WWOX: variants seen among roughly 807,000 people sequenced by gnomAD.
WWOX encodes the protein WW domain containing oxidoreductase.
WWOX carries 69 observed loss-of-function variants against 46.2 expected under a neutral mutation model. The ratio of observed to expected loss-of-function variants is 1.49; its 90% confidence interval spans 1.23 to 1.82. The LOEUF (loss-of-function observed/expected upper bound fraction) is 1.82, where lower values mean the gene tolerates loss of function less well. Among genes scored for constraint, WWOX ranks in the 40% most tolerant of loss-of-function variants. The pLI is 0.00. For synonymous variants in WWOX, 359 were observed against 202.6 expected (o/e 1.77, Z -6.56); for missense variants, 919 against 542.6 (o/e 1.69, Z -6.89).
At chr16:78,162,284 A>G (rs2034819871) in intron 4 of WWOX, among the ~76,000 whole-genome samples, 1 of 152,084 alleles carries the variant, frequency 6.6e-6, no homozygotes, top group African/African-American at 2.4e-5. Flanking sequence ...TTTTCCTGAG[A>G]GGTATAACTA....
At position 79,195,685 on chromosome 16, in the gene WWOX, C is replaced by T. The variant is rs758922067; in HGVS notation, c.1057-15923C>T. ...CAAAGGTAAGCCAGCTTGTCTAGACCGGGAGCTAGCTCCTTGTGAAGGAAT... is the reference window on the plus strand; with the variant it reads ...CAAAGGTAAGCCAGCTTGTCTAGACTGGGAGCTAGCTCCTTGTGAAGGAAT... On this transcript the variant is annotated intron_variant, in intron 8 of 8. Coordinates refer to ENST00000566780, the MANE Select transcript of WWOX (RefSeq NM_016373.4). Among the ~76,000 whole-genome samples, 13 of 152,228 alleles carry T rather than the reference C, an allele frequency of 8.5e-5. No individual in the cohort carries two copies. In the South Asian group the frequency reaches 1.5e-3, roughly 17 times the overall value.
intron 4 of WWOX, among the ~76,000 whole-genome samples, chr16:78,143,462 T>C (rs916611754): frequency 6.6e-6 from 1 of 152,190 alleles, no homozygotes; most frequent in Non-Finnish European, 1.5e-5. Context: ...AGGCCCACTT[T>C]TGTAAATCAG....
intron 8 of WWOX, among the ~76,000 whole-genome samples, chr16:78,605,230 C>T (rs1205144891): frequency 6.6e-6 from 1 of 151,118 alleles, no homozygotes; most frequent in Non-Finnish European, 1.5e-5. Flanking sequence ...TCATTGTTTC[C>T]CCATAATTTT....
intron 8 of WWOX, among the ~76,000 whole-genome samples, chr16:78,762,015 A>C (rs1199218205): frequency 6.6e-6 from 1 of 152,140 alleles, no homozygotes; most frequent in African/African-American, 2.4e-5. Flanking sequence ...ATATCATGAG[A>C]ATTTCTTAGA....
chr16:78,660,542 C>T (rs766586619), intron 8 of WWOX, among the ~76,000 whole-genome samples: 1 of 152,106 alleles, frequency 6.6e-6, no homozygotes, highest in Non-Finnish European at 1.5e-5. Context: ...AACTCAGGGC[C>T]TCCTGGTCCT....
At chr16:78,302,510 T>G (rs1886184502) in intron 5 of WWOX, among the ~76,000 whole-genome samples, 1 of 152,146 alleles carries the variant, frequency 6.6e-6, no homozygotes. Flanking sequence ...CAGACATGTT[T>G]TGTCTTATCC....
intron 8 of WWOX, among the ~76,000 whole-genome samples, chr16:78,994,752 G>A (rs1038031352): frequency 6.6e-6 from 1 of 152,102 alleles, no homozygotes. Context: ...GGAAACGAAG[G>A]CAGAGAAGGA....
intron 5 of WWOX, among the ~76,000 whole-genome samples, chr16:78,194,718 C>T (rs774554069): frequency 3.9e-5 from 6 of 152,080 alleles, no homozygotes; most frequent in Non-Finnish European, 7.4e-5. Context: ...GTGATCACCC[C>T]CAACCCCAAA....
intron 4 of WWOX, among the ~76,000 whole-genome samples, chr16:78,118,667 A>G (rs989944079): frequency 4.6e-5 from 7 of 152,176 alleles, no homozygotes; most frequent in African/African-American, 1.7e-4. Context: ...GCAAAACTGT[A>G]AATATTTACT....
At chr16:78,432,450 G>C in intron 7 of WWOX, 38 bp from the exon 8 acceptor site, 2 of 1,610,088 alleles carry the variant, frequency 1.2e-6, no homozygotes, top group South Asian at 2.2e-5. Context: ...TGGGAAGTCA[G>C]AACTTGGTTG....
intron 8 of WWOX, among the ~76,000 whole-genome samples, chr16:78,605,623 A>C (rs2045738115): frequency 6.6e-6 from 1 of 152,248 alleles, no homozygotes; most frequent in South Asian, 2.1e-4. Context: ...CCAAATGTTA[A>C]AATTTCTTTA....
At chr16:78,124,368 T>C (rs549399298) in intron 4 of WWOX, 2 of 152,310 alleles carry the variant, frequency 1.3e-5, no homozygotes, top group South Asian at 4.1e-4. Context: ...GACTTCATAA[T>C]AAATAAGATG....
chr16:78,925,462 C>G (rs1275243758), intron 8 of WWOX, among the ~76,000 whole-genome samples: 4 of 152,144 alleles, frequency 2.6e-5, no homozygotes, highest in Non-Finnish European at 4.4e-5. Flanking sequence ...AAAAAATGCC[C>G]TCACATTTCA....
At chr16:79,081,476 T>A (rs187351696) in intron 8 of WWOX, among the ~76,000 whole-genome samples, 1 of 152,332 alleles carries the variant, frequency 6.6e-6, no homozygotes, top group East Asian at 1.9e-4. Context: ...AGCCATCTGC[T>A]TTCTGCAGTC....
At chr16:78,100,287 C>G in intron 1 of WWOX, 2 of 1,059,106 alleles carry the variant, frequency 1.9e-6, no homozygotes, top group Non-Finnish European at 1.2e-6. Context: ...CGGTATTGCT[C>G]AGTCATCCAG....
chr16:78,338,813 T>C (rs1277754308), intron 5 of WWOX, among the ~76,000 whole-genome samples: 1 of 121,276 alleles, frequency 8.2e-6, no homozygotes, highest in African/African-American at 2.8e-5. Flanking sequence ...ATTCATTCTA[T>C]TCTTTTCATT....
At position 78,613,353 on chromosome 16, in the gene WWOX, T is replaced by G. The variant is rs182398639; in HGVS notation, c.1056+180601T>G. On this transcript the variant is annotated intron_variant, in intron 8 of 8. Coordinates refer to ENST00000566780, the MANE Select transcript of WWOX (RefSeq NM_016373.4). ...CGATGCGTGATTTGTCCCCATGCTG[T>G]GTCGCACTTGGTCATCTGGACCCTG... Among the ~76,000 whole-genome samples the G allele has an allele frequency of 1.5e-3, 235 of 152,276 alleles. 1 individual carries two copies. The highest frequency in any genetic ancestry group is 5.2e-3 in the African/African-American group (217 of 41,546).
chr16:78,120,153 G>A (rs2033015382), intron 4 of WWOX, among the ~76,000 whole-genome samples: 1 of 151,996 alleles, frequency 6.6e-6, no homozygotes, highest in African/African-American at 2.4e-5. Context: ...TCTCTAACGT[G>A]TATTACATGG....
chr16:78,741,670 C>A (rs1477212028), intron 8 of WWOX, among the ~76,000 whole-genome samples: 1 of 152,086 alleles, frequency 6.6e-6, no homozygotes, highest in African/African-American at 2.4e-5. Context: ...GGCTGGCCAA[C>A]ATGGCAAAAC....
Sources: allele counts gnomAD v4.1 joint callset (sites outside exome capture counted in the v4.1 genomes callset), GRCh38; gene constraint gnomAD v4.1.1; transcripts MANE v1.5; gene names NCBI Gene and HGNC (gene_info 2026-07-23, HGNC 2026-07-21).